ARHGEF10: variants seen among roughly 807,000 people sequenced by gnomAD.
The protein encoded by ARHGEF10 is Rho guanine nucleotide exchange factor (GEF) 10.
In ARHGEF10, 140 loss-of-function variants were observed where a neutral mutation model predicts 147.4. The ratio of observed to expected loss-of-function variants is 0.95; its 90% CI spans 0.83 to 1.09. ARHGEF10 has a LOEUF of 1.09. Ranked by LOEUF, ARHGEF10 falls within the 50% of genes least tolerant of loss-of-function variation. The pLI is 0.00. For missense variants in ARHGEF10, 2,222 were observed against 1,752.7 expected, an observed-to-expected ratio of 1.27 and a Z score of -4.78; for synonymous variants, 902 against 695.8, an observed-to-expected ratio of 1.30 and a Z score of -4.67.
intron 2 of ARHGEF10, among the ~76,000 whole-genome samples, chr8:1,845,286 T>C (rs113720670): frequency 0.011 from 1,586 of 149,400 alleles, 27 homozygotes; most frequent in African/African-American, 0.038. Flanking sequence ...CGGCTGTCCC[T>C]CCAGGGGCCC....
chr8:1,905,905 C>T (rs1409650819), intron 17 of ARHGEF10, among the ~76,000 whole-genome samples, 189 bp downstream of exon 17: 1 of 152,128 alleles, frequency 6.6e-6, no homozygotes, highest in South Asian at 2.1e-4. Context: ...GTGTAAGTCA[C>T]CAAGTCACTG....
intron 2 of ARHGEF10, 104 bp downstream of exon 2, chr8:1,843,540 G>C (rs1804259973): frequency 1.1e-6 from 1 of 887,678 alleles, no homozygotes; most frequent in Non-Finnish European, 1.8e-6. Context: ...CTGGGGTATG[G>C]GGTGGAGTGA....
At chr8:1,848,044 C>T (rs1163975687) in intron 2 of ARHGEF10, among the ~76,000 whole-genome samples, 2 of 152,206 alleles carry the variant, frequency 1.3e-5, no homozygotes, top group African/African-American at 4.8e-5. Context: ...CCAGGGCTGG[C>T]GGCCAGTTCT....
chr8:1,871,875 C>T (rs186070056), intron 7 of ARHGEF10, among the ~76,000 whole-genome samples: 49 of 151,554 alleles, frequency 3.2e-4, no homozygotes, highest in Admixed American at 1.6e-3. Context: ...GCCAGCTGCA[C>T]GAAAGAGCAG....
At chr8:1,825,612 G>T (rs959466996) in intron 1 of ARHGEF10, among the ~76,000 whole-genome samples, 1 of 151,720 alleles carries the variant, frequency 6.6e-6, no homozygotes, top group Non-Finnish European at 1.5e-5. Context: ...ACCTGTCCCA[G>T]CCCCACTCCC....
At chr8:1,870,920 C>T (rs561608415) in intron 7 of ARHGEF10, 10 of 152,080 alleles carry the variant, frequency 6.6e-5, no homozygotes, top group South Asian at 4.2e-4. Context: ...CAAGACCAGC[C>T]GGGCCAACAT....
intron 3 of ARHGEF10, 85 bp from the exon 4 acceptor site, chr8:1,859,812 C>A: frequency 1.3e-6 from 2 of 1,530,560 alleles, no homozygotes; most frequent in South Asian, 1.1e-5. Flanking sequence ...GGAGCTCATA[C>A]CTGCTTCCCA....
chr8:1,829,591 G>A (rs1268385601), intron 1 of ARHGEF10, among the ~76,000 whole-genome samples: 1 of 152,232 alleles, frequency 6.6e-6, no homozygotes, highest in Non-Finnish European at 1.5e-5. Flanking sequence ...CGGCTTCGTG[G>A]CTTTCTGTCG....
At chr8:1,846,108 C>T (rs1016863620) in intron 2 of ARHGEF10, among the ~76,000 whole-genome samples, 11 of 152,232 alleles carry the variant, frequency 7.2e-5, no homozygotes, top group African/African-American at 2.4e-4. Context: ...CCACTGTTAA[C>T]ATTTCACCCA....
chr8:1,854,512 C>G (rs548381422), intron 2 of ARHGEF10, among the ~76,000 whole-genome samples: 4 of 152,208 alleles, frequency 2.6e-5, no homozygotes, highest in African/African-American at 9.6e-5. Context: ...AAGTCTTTCC[C>G]TGCAGTGTTT....
chr8:1,896,374 G>T lies in ARHGEF10; in HGVS notation c.1482G>T (p.Val494=). 6.2e-7 allele frequency: 1 copy of T among 1,613,986 alleles called. No individual in the cohort carries two copies. The highest frequency in any genetic ancestry group is 8.5e-7 in the Non-Finnish European group (1 of 1,180,022). ...SMVLDAYSEY[V]NNFSTAVAVL... is the part of the protein sequence containing the mutation. ...TGCTGGATGCATACAGTGAATATGTGAACAATTTCAGCACAGCCGTGGCAG... is the reference window on the plus strand; with the variant it reads ...TGCTGGATGCATACAGTGAATATGTTAACAATTTCAGCACAGCCGTGGCAG... The change falls in exon 14 of 29, where the codon GTG becomes GTT. Residue 494 remains valine (V), a synonymous_variant. Transcript: ENST00000349830.
chr8:1,946,571 A>G (rs1294552254), intron 27 of ARHGEF10, among the ~76,000 whole-genome samples: 1 of 152,194 alleles, frequency 6.6e-6, no homozygotes, highest in Admixed American at 6.5e-5. Flanking sequence ...TAATCCCATC[A>G]TGGGGACCCT....
chr8:1,850,516 A>G (rs1462300141), intron 2 of ARHGEF10, among the ~76,000 whole-genome samples: 1 of 146,764 alleles, frequency 6.8e-6, no homozygotes, highest in South Asian at 2.2e-4. Flanking sequence ...GCGTGGACAC[A>G]GATGGCAAAT....
chr8:1,843,358 C>G lies in ARHGEF10; in HGVS notation c.-42C>G. The G allele has an allele frequency of 6.2e-7, 1 of 1,612,164 alleles. No individual in the cohort carries two copies. ...AGTGTCTCTCCTTCTTGCAGGAGCTCCTTCCCTTAACAGAGCTGAGAGAGG... is the reference window on the plus strand; with the variant it reads ...AGTGTCTCTCCTTCTTGCAGGAGCTGCTTCCCTTAACAGAGCTGAGAGAGG... On this transcript the variant is annotated 5_prime_UTR_variant, in exon 2 of 29. Transcript: ENST00000349830.
At chr8:1,930,811 T>TGG (rs1563302887) in intron 25 of ARHGEF10, among the ~76,000 whole-genome samples, 3 of 152,126 alleles carry the variant, frequency 2.0e-5, no homozygotes, top group African/African-American at 7.2e-5. Flanking sequence ...CAAGAAGGCC[T>TGG]GGACTTCTTT....
At chr8:1,838,380 G>C (rs1372096338) in intron 1 of ARHGEF10, among the ~76,000 whole-genome samples, 1 of 152,222 alleles carries the variant, frequency 6.6e-6, no homozygotes, top group Non-Finnish European at 1.5e-5. Context: ...TGAGGCTGCA[G>C]AGTCATCCAG....
At chr8:1,911,921 G>C (rs745639794) in intron 18 of ARHGEF10, among the ~76,000 whole-genome samples, 1 of 152,108 alleles carries the variant, frequency 6.6e-6, no homozygotes, top group Non-Finnish European at 1.5e-5. Context: ...CGGTTCTCTT[G>C]GTTTGTCACT....
chr8:1,876,381 C>G, intron 7 of ARHGEF10, 190 bp from the exon 8 acceptor site: 1 of 644,276 alleles, frequency 1.6e-6, no homozygotes, highest in Non-Finnish European at 2.7e-6. Context: ...CTCCCCGGCC[C>G]TGCCCGGGTG....
At chr8:1,835,824 C>T (rs1335854827) in intron 1 of ARHGEF10, among the ~76,000 whole-genome samples, 3 of 152,204 alleles carry the variant, frequency 2.0e-5, no homozygotes, top group Admixed American at 6.5e-5. Flanking sequence ...CGGCATGAAA[C>T]GGTCCTTCAG....
Sources: gnomAD v4.1 joint callset for allele counts (sites outside exome capture counted in the v4.1 genomes callset) on GRCh38, gnomAD v4.1.1 for gene constraint, MANE v1.5 for transcripts, NCBI Gene and HGNC (gene_info 2026-07-23, HGNC 2026-07-21) for gene names.